Variants in ENTPD1 observed in about 807,000 individuals in gnomAD.
ENTPD1 encodes the protein ectonucleoside triphosphate diphosphohydrolase 1, also known as ATP diphosphohydrolase.
Under a neutral mutation model 57.0 loss-of-function variants are expected in ENTPD1, and 33 were observed. The ratio of observed to expected loss-of-function variants is 0.58; its 90% CI spans 0.44 to 0.77. ENTPD1 has a LOEUF of 0.77. ENTPD1 is among the 30% of genes least tolerant of loss of function. The pLI is 0.00. For synonymous variants in ENTPD1, 202 were observed against 218.8 expected (o/e 0.92, Z 0.68); for missense variants, 501 against 603.4 (o/e 0.83, Z 1.78).
At chr10:95,743,275 C>T (rs1302246615) in intron 1 of ENTPD1, among the ~76,000 whole-genome samples, 1 of 152,150 alleles carries the variant, frequency 6.6e-6, no homozygotes, top group Non-Finnish European at 1.5e-5. Flanking sequence ...GGAGGAAGAC[C>T]ACAGAGTGCC....
intron 1 of ENTPD1, among the ~76,000 whole-genome samples, chr10:95,741,258 T>C (rs1448401698): frequency 3.3e-5 from 5 of 152,124 alleles, no homozygotes; most frequent in Admixed American, 3.3e-4. Flanking sequence ...ATATTGTGTC[T>C]CAAGGAATAG....
upstream of ENTPD1, chr10:95,756,069 G>T (rs1375753512): frequency 2.7e-6 from 4 of 1,503,456 alleles, no homozygotes; most frequent in Middle Eastern, 2.4e-4. Flanking sequence ...AAAAGACAGG[G>T]TTTGAGGTTC....
intron 1 of ENTPD1, among the ~76,000 whole-genome samples, chr10:95,764,297 GA>G (rs2140028925): frequency 1.3e-5 from 2 of 152,342 alleles, no homozygotes; most frequent in South Asian, 4.1e-4. Flanking sequence ...ATCAGTTGAT[GA>G]ATATTTGGAT....
chr10:95,753,635 T>TA (rs2098015641), upstream of ENTPD1: 1 of 152,246 alleles, frequency 6.6e-6, no homozygotes, highest in South Asian at 2.1e-4. Context: ...ATTGTCAAAG[T>TA]AACCTTTTGT....
intron 1 of ENTPD1, among the ~76,000 whole-genome samples, chr10:95,783,167 A>G (rs566355666): frequency 2.0e-5 from 3 of 152,266 alleles, no homozygotes; most frequent in African/African-American, 7.2e-5. Context: ...TATGAGTAGC[A>G]TTGTTACCAT....
At chr10:95,724,938 T>C (rs1417511784) in intron 1 of ENTPD1, among the ~76,000 whole-genome samples, 1 of 152,232 alleles carries the variant, frequency 6.6e-6, no homozygotes, top group Non-Finnish European at 1.5e-5. Context: ...CATTTTCTGC[T>C]CATTTTTTCT....
intron 7 of ENTPD1, among the ~76,000 whole-genome samples, chr10:95,858,720 C>T (rs1466252176): frequency 6.6e-6 from 1 of 152,082 alleles, no homozygotes; most frequent in African/African-American, 2.4e-5. Context: ...GCTCGACTTC[C>T]TAGAGGAATG....
chr10:95,831,886 T>C (rs536718540), intron 2 of ENTPD1, among the ~76,000 whole-genome samples: 1 of 152,390 alleles, frequency 6.6e-6, no homozygotes, highest in South Asian at 2.1e-4. Context: ...TTTTATTTAT[T>C]CATTGACTCC....
chr10:95,723,235 A>G (rs1173116608), intron 1 of ENTPD1, among the ~76,000 whole-genome samples: 1 of 152,122 alleles, frequency 6.6e-6, no homozygotes, highest in Non-Finnish European at 1.5e-5. Flanking sequence ...AATAGGGCAC[A>G]TTGTTTTTTC....
chr10:95,761,166 C>T (rs2098060269), intron 1 of ENTPD1, among the ~76,000 whole-genome samples: 1 of 152,030 alleles, frequency 6.6e-6, no homozygotes, highest in Non-Finnish European at 1.5e-5. Flanking sequence ...GGAGGAAGGC[C>T]AAAATCAAGG....
intron 7 of ENTPD1, among the ~76,000 whole-genome samples, chr10:95,857,148 T>G (rs2098456527): frequency 6.6e-6 from 1 of 152,054 alleles, no homozygotes; most frequent in Non-Finnish European, 1.5e-5. Flanking sequence ...TCATGGGAAA[T>G]TTTTCAAGAG....
At chr10:95,856,671 T>TATATATATATATATATATATAC (rs571622251) in intron 7 of ENTPD1, among the ~76,000 whole-genome samples, 150 of 146,736 alleles carry the variant, frequency 1.0e-3, no homozygotes, top group Non-Finnish European at 1.7e-3. Context: ...TATATATATA[T>TATATATATATATATATATATAC]ACACACACAT....
chr10:95,729,859 G>A (rs1589650896), intron 1 of ENTPD1, among the ~76,000 whole-genome samples: 1 of 152,140 alleles, frequency 6.6e-6, no homozygotes, highest in Non-Finnish European at 1.5e-5. Flanking sequence ...CAATAACAGC[G>A]AGATAGCCTT....
chr10:95,748,345 AC>A (rs1161372865), intron 1 of ENTPD1, among the ~76,000 whole-genome samples: 1 of 152,162 alleles, frequency 6.6e-6, no homozygotes, highest in Non-Finnish European at 1.5e-5. Context: ...ACCCCATATA[AC>A]CACTGCATAT....
chr10:95,711,550 G>A (rs1451186471), upstream of ENTPD1, among the ~76,000 whole-genome samples: 1 of 152,118 alleles, frequency 6.6e-6, no homozygotes, highest in Non-Finnish European at 1.5e-5. Context: ...CACTCGAGCT[G>A]GAGCTCGGTG....
intron 1 of ENTPD1, among the ~76,000 whole-genome samples, chr10:95,783,019 C>A (rs562098940): frequency 6.6e-6 from 1 of 151,796 alleles, no homozygotes; most frequent in East Asian, 1.9e-4. Context: ...AAAATGGAAG[C>A]GGTGTGTGTG....
intron 3 of ENTPD1, among the ~76,000 whole-genome samples, chr10:95,841,606 T>C (rs947534747): frequency 6.6e-6 from 1 of 152,246 alleles, no homozygotes; most frequent in African/African-American, 2.4e-5. Context: ...GGATAACTTA[T>C]TTGAATAATT....
chr10:95,753,126 T>G (rs1387599021), upstream of ENTPD1: 1 of 152,158 alleles, frequency 6.6e-6, no homozygotes, highest in Non-Finnish European at 1.5e-5. Flanking sequence ...TTCTGACAAC[T>G]CCTTCCATCT....
intron 1 of ENTPD1, among the ~76,000 whole-genome samples, chr10:95,762,443 A>G (rs2098069439): frequency 6.9e-6 from 1 of 145,206 alleles, no homozygotes; most frequent in Non-Finnish European, 1.5e-5. Flanking sequence ...TTTGGCATTC[A>G]CTTGAATAGG....
Sources: gnomAD v4.1 joint callset for allele counts (sites outside exome capture counted in the v4.1 genomes callset) on GRCh38, gnomAD v4.1.1 for gene constraint, MANE v1.5 for transcripts, NCBI Gene and HGNC (gene_info 2026-07-23, HGNC 2026-07-21) for gene names.